PRIM2: variants seen among roughly 807,000 people sequenced by gnomAD.
The protein encoded by PRIM2 is DNA primase subunit 2.
Under a neutral mutation model 67.3 loss-of-function variants are expected in PRIM2, and 39 were observed. The observed-to-expected ratio is 0.58, with a 90% CI of 0.45 to 0.76. PRIM2 has a LOEUF of 0.76. Among genes scored for constraint, PRIM2 ranks in the 30% least tolerant of loss-of-function variants. The pLI, the probability that PRIM2 is intolerant of heterozygous loss-of-function variation, is 0.00. For missense variants in PRIM2, 398 were observed against 598.7 expected, an observed-to-expected ratio of 0.66 and a Z score of 3.50; for synonymous variants, 143 against 198.7, an observed-to-expected ratio of 0.72 and a Z score of 2.36.
chr6:57,340,189 T>TA (rs999954432), intron 5 of PRIM2, among the ~76,000 whole-genome samples: 37 of 152,206 alleles, frequency 2.4e-4, no homozygotes, highest in Non-Finnish European at 3.7e-4. Context: ...TGGCAGTCAT[T>TA]AAAAAATCAG....
At chr6:57,255,474 G>A in the PRIM2 span, among the ~76,000 whole-genome samples, 1 of 150,616 alleles carries the variant, frequency 6.6e-6, no homozygotes, top group South Asian at 2.1e-4. Flanking sequence ...CTCCAGCCTG[G>A]GCAACAGAGC....
intron 8 of PRIM2, among the ~76,000 whole-genome samples, chr6:57,518,572 G>T (rs1281791726): frequency 1.3e-5 from 2 of 152,164 alleles, no homozygotes; most frequent in Non-Finnish European, 2.9e-5. Flanking sequence ...ATGAATGAAT[G>T]GATGAGTGAA....
intron 5 of PRIM2, among the ~76,000 whole-genome samples, chr6:57,361,076 T>A (rs1245331480): frequency 6.6e-6 from 1 of 152,184 alleles, no homozygotes; most frequent in African/African-American, 2.4e-5. Context: ...ATAAGAATGA[T>A]GGCTGACACT....
chr6:57,303,285 A>C, the PRIM2 span, among the ~76,000 whole-genome samples: 1 of 152,302 alleles, frequency 6.6e-6, no homozygotes, highest in South Asian at 2.1e-4. Flanking sequence ...AGATTTAGTC[A>C]CTTACTTTTT....
chr6:57,433,123 G>C (rs1279728168), intron 7 of PRIM2, among the ~76,000 whole-genome samples: 2 of 152,198 alleles, frequency 1.3e-5, no homozygotes, highest in Non-Finnish European at 2.9e-5. Context: ...GTGTTAAATA[G>C]TTGTGACAGA....
the PRIM2 span, among the ~76,000 whole-genome samples, chr6:57,292,522 A>T: frequency 3.4e-4 from 52 of 152,342 alleles, no homozygotes; most frequent in African/African-American, 1.2e-3. Context: ...GAATCAAAAA[A>T]GAGCCCACAT....
the PRIM2 span, among the ~76,000 whole-genome samples, chr6:57,267,183 T>C: frequency 1.3e-5 from 2 of 152,248 alleles, no homozygotes; most frequent in Admixed American, 6.5e-5. Context: ...AATAGGTTGA[T>C]ACATGTTTTA....
chr6:57,439,839 A>C (rs960891928), intron 7 of PRIM2, among the ~76,000 whole-genome samples: 1 of 152,210 alleles, frequency 6.6e-6, no homozygotes, highest in Non-Finnish European at 1.5e-5. Context: ...TGACATCCAG[A>C]ATTTTTTGAA....
intron 10 of PRIM2, among the ~76,000 whole-genome samples, chr6:57,548,486 C>T (rs1775332956): frequency 6.6e-6 from 1 of 152,046 alleles, no homozygotes; most frequent in Non-Finnish European, 1.5e-5. Flanking sequence ...GCTGAGAATA[C>T]TTGAGGAAAC....
At chr6:57,241,281 C>G in the PRIM2 span, among the ~76,000 whole-genome samples, 2 of 151,238 alleles carry the variant, frequency 1.3e-5, no homozygotes, top group East Asian at 3.9e-4. Context: ...TGGTTGCACG[C>G]ACTTGTTGTC....
intron 13 of PRIM2, among the ~76,000 whole-genome samples, chr6:57,642,800 G>T (rs1387459996): frequency 2.0e-5 from 3 of 152,098 alleles, no homozygotes; most frequent in African/African-American, 4.8e-5. Flanking sequence ...TTAGGGCAGG[G>T]TCTTTTGAGT....
intron 8 of PRIM2, among the ~76,000 whole-genome samples, chr6:57,519,916 C>A (rs1554348710): frequency 1.3e-5 from 2 of 152,292 alleles, no homozygotes; most frequent in African/African-American, 2.4e-5. Flanking sequence ...TGGCTTCAGC[C>A]GGTCCCTCTG....
the PRIM2 span, among the ~76,000 whole-genome samples, chr6:57,296,741 A>G: frequency 2.6e-5 from 4 of 152,282 alleles, no homozygotes; most frequent in Non-Finnish European, 5.9e-5. Context: ...ACCAACGAGC[A>G]TGCCTAGCAA....
chr6:57,542,939 A>ATTTTTTTTTTT lies in PRIM2; in HGVS notation c.1020+5323_1020+5333dup, dbSNP rs1193756482. On this transcript the variant is annotated intron_variant, in intron 10 of 13. Transcript: ENST00000615550. ...GTTGGCTTAAAATACTGCTTATAGG[A>ATTTTTTTTTTT]TTTTTTTTTTTTTTTTTTTGAGACG... is the stretch of plus-strand genomic sequence containing the variant. 4.2e-3 allele frequency among the ~76,000 whole-genome samples: 301 copies of ATTTTTTTTTTT among 71,868 alleles called. 53 individuals carry two copies. The highest frequency in any genetic ancestry group is 0.017 in the African/African-American group (249 of 14,758). 47.1% of individuals were successfully genotyped at this position (71,868 alleles called of 152,430 possible). A position where few individuals can be genotyped will look rare whatever the true frequency, so the allele number is the denominator to read the frequency against.
the PRIM2 span, among the ~76,000 whole-genome samples, chr6:57,275,030 C>G: frequency 6.6e-6 from 1 of 151,734 alleles, no homozygotes. Flanking sequence ...CGTGATCCAC[C>G]TGCCTTGGAT....
chr6:57,278,375 C>T, the PRIM2 span, among the ~76,000 whole-genome samples: 9 of 152,206 alleles, frequency 5.9e-5, no homozygotes, highest in Admixed American at 3.3e-4. Context: ...GCCTTATGCT[C>T]TAGGGCACTA....
At chr6:57,410,243 G>A (rs1771038888) in intron 7 of PRIM2, among the ~76,000 whole-genome samples, 1 of 148,958 alleles carries the variant, frequency 6.7e-6, no homozygotes, top group South Asian at 2.1e-4. Flanking sequence ...AGAATTGCTT[G>A]AATCTGGGAG....
intron 5 of PRIM2, among the ~76,000 whole-genome samples, chr6:57,378,066 C>CTT (rs72149303): frequency 3.5e-5 from 5 of 142,270 alleles, no homozygotes; most frequent in East Asian, 2.0e-4. Context: ...TCTTCTTCTT[C>CTT]TTTTTTTTTT....
At chr6:57,357,558 A>G (rs527716638) in intron 5 of PRIM2, among the ~76,000 whole-genome samples, 24 of 148,370 alleles carry the variant, frequency 1.6e-4, no homozygotes, top group East Asian at 9.9e-4. Flanking sequence ...TTTCTGGGAC[A>G]TTTCCTTAAG....
Sources: gnomAD v4.1 joint callset for allele counts (sites outside exome capture counted in the v4.1 genomes callset) on GRCh38, gnomAD v4.1.1 for gene constraint, MANE v1.5 for transcripts, NCBI Gene and HGNC (gene_info 2026-07-23, HGNC 2026-07-21) for gene names.